ABCA3: variants seen among roughly 807,000 people sequenced by gnomAD.
ABCA3 encodes ATP binding cassette subfamily A member 3.
A neutral mutation model predicts 172.8 loss-of-function variants in ABCA3; 88 were observed. That is an observed-to-expected ratio of 0.51 (90% confidence interval 0.43 to 0.61). The LOEUF (loss-of-function observed/expected upper bound fraction) is 0.61, where lower values mean the gene tolerates loss of function less well. Among genes scored for constraint, ABCA3 ranks in the 20% least tolerant of loss-of-function variants. The pLI is 0.00. For synonymous variants in ABCA3, 1,066 were observed against 983.8 expected (o/e 1.08, Z -1.56); for missense variants, 2,164 against 2,301.0 (o/e 0.94, Z 1.22).
At chr16:2,298,662 G>T in intron 14 of ABCA3, 122 bp from the exon 15 acceptor site, 1 of 1,251,580 alleles carries the variant, frequency 8.0e-7, no homozygotes, top group Non-Finnish European at 1.1e-6. Flanking sequence ...GCCCATGAGA[G>T]GGCACGGAAC....
At position 2,292,141 on chromosome 16, in the gene ABCA3, G is replaced by A. The variant is rs773021659; in HGVS notation, c.2512C>T (p.Arg838Trp). The change falls in exon 19 of 33, where the codon CGG becomes TGG. Residue 838 changes from arginine (R) to tryptophan (W), a missense_variant and splice_region_variant. By Grantham distance (101) the Arg-to-Trp change is moderately radical. Coordinates refer to ENST00000301732, the MANE Select transcript of ABCA3 (RefSeq NM_001089.3). ...GGACGGAAATGCGCATTTACTGACC[G>A]AAGGAAGACTTCCTCCATGGTGGTG... ...SITTMEEVFL[R>W]VGKLVDSSMD... 3.1e-6 allele frequency: 5 copies of A among 1,612,204 alleles called. No individual in the cohort carries two copies. Among genetic ancestry groups the A allele is most frequent in the Admixed American group, 3.3e-5 (2 of 60,002 alleles).
intron 18 of ABCA3, among the ~76,000 whole-genome samples, chr16:2,294,808 C>T (rs969817288): frequency 6.6e-6 from 1 of 152,072 alleles, no homozygotes; most frequent in Non-Finnish European, 1.5e-5. Flanking sequence ...CATGGTAAAA[C>T]CCCATCTCTA....
intron 11 of ABCA3, among the ~76,000 whole-genome samples, chr16:2,304,479 C>A (rs1415630848): frequency 1.4e-5 from 2 of 147,236 alleles, no homozygotes; most frequent in Non-Finnish European, 1.5e-5. Flanking sequence ...CAACGTGGGT[C>A]AATGTGCATT....
chr16:2,295,448 G>T, intron 18 of ABCA3, 142 bp downstream of exon 18: 1 of 1,275,750 alleles, frequency 7.8e-7, no homozygotes, highest in Non-Finnish European at 1.1e-6. Context: ...TGGGCTGATG[G>T]TGCCCAGGCT....
chr16:2,311,415 C>T (rs112245223), intron 10 of ABCA3, among the ~76,000 whole-genome samples: 1,908 of 152,274 alleles, frequency 0.013, 19 homozygotes, highest in Non-Finnish European at 0.019. Flanking sequence ...ACCATGCAAG[C>T]GCCACTGAAC....
chr16:2,306,437 G>A (rs576323563), intron 11 of ABCA3, among the ~76,000 whole-genome samples: 1 of 152,178 alleles, frequency 6.6e-6, no homozygotes, highest in Non-Finnish European at 1.5e-5. Context: ...AGACACTGCC[G>A]ACTGTAGAGA....
chr16:2,293,354 C>T lies in ABCA3; in HGVS notation c.2415-1116G>A, dbSNP rs371631751. On this transcript the variant is annotated intron_variant, in intron 18 of 32. Coordinates refer to ENST00000301732, the MANE Select transcript of ABCA3 (RefSeq NM_001089.3). ...GCAATGAGCTACCAAGCTACCGTGC[C>T]TGGCCAAAATGCCTTTTTTTTTTTT... Among the ~76,000 whole-genome samples the T allele has an allele frequency of 3.4e-5, 5 of 148,044 alleles. No homozygotes were observed. The South Asian group carries it at 1.1e-3, about 32-fold the overall frequency.
intron 12 of ABCA3, among the ~76,000 whole-genome samples, chr16:2,303,708 G>C (rs1467453642): frequency 2.0e-5 from 3 of 152,202 alleles, no homozygotes; most frequent in African/African-American, 4.8e-5. Flanking sequence ...AGAGGGGCCA[G>C]AGCAGCCGGT....
At position 2,326,624 on chromosome 16, in the gene ABCA3, C is replaced by T. The variant is rs867326465; in HGVS notation, c.-26-132G>A. On this transcript the variant is annotated intron_variant, in intron 3 of 32. Coordinates refer to ENST00000301732, the MANE Select transcript of ABCA3 (RefSeq NM_001089.3). ...TTTTGTGCCACTTTAACTCCAAACA[C>T]CCCTGGAGGGAAGGGTACAAGGCCT... is the stretch of plus-strand genomic sequence containing the variant. 8 of 967,822 alleles carry T rather than the reference C, an allele frequency of 8.3e-6. No homozygotes were observed. The East Asian group carries it at 2.1e-4, about 25-fold the overall frequency. The allele number at this position is 967,822 out of a possible 1,614,324, so 60.0% of individuals were successfully genotyped here. A position where few individuals can be genotyped will look rare whatever the true frequency, so the allele number is the denominator to read the frequency against.
intron 11 of ABCA3, among the ~76,000 whole-genome samples, chr16:2,304,997 G>C (rs1233237582): frequency 1.3e-4 from 20 of 151,894 alleles, no homozygotes; most frequent in Non-Finnish European, 1.5e-5. Context: ...TATTTTAGTA[G>C]AGATGGGGTT....
chr16:2,282,846 C>T (rs1433459343), intron 26 of ABCA3, among the ~76,000 whole-genome samples: 1 of 144,138 alleles, frequency 6.9e-6, no homozygotes, highest in East Asian at 2.1e-4. Context: ...TGTCCCTGGG[C>T]ACCACCTCTG....
At position 2,285,764 on chromosome 16, in the gene ABCA3, G is replaced by T. The variant is rs1173355897; in HGVS notation, c.3279-118C>A. On this transcript the variant is annotated intron_variant, in intron 22 of 32. Transcript: ENST00000301732. The surrounding 1 kb of genome is among the most constrained non-coding windows in gnomAD (Gnocchi z 4.7). ...GGGCAGCAGCCCAACCACTAAAGGG[G>T]CTTATGGGAGAGCACAAGCACCATG... 4 of 932,226 alleles carry T rather than the reference G, an allele frequency of 4.3e-6. No individual in the cohort carries two copies. Among genetic ancestry groups the T allele is most frequent in the Non-Finnish European group, 6.7e-6 (4 of 594,592 alleles). The allele number at this position is 932,226 out of a possible 1,614,324, so 57.7% of individuals were successfully genotyped here.
Position 2,297,218 on chromosome 16 carries a change from T to C in ABCA3, c.2263+111A>G, listed in dbSNP as rs964210918. The C allele has an allele frequency of 3.2e-6, 4 of 1,257,008 alleles. No homozygotes were observed. The South Asian group carries it at 3.8e-5, about 12-fold the overall frequency. The allele number at this position is 1,257,008 out of a possible 1,614,324, so 77.9% of individuals were successfully genotyped here. A position where few individuals can be genotyped will look rare whatever the true frequency, so the allele number is the denominator to read the frequency against. The stretch of plus-strand genomic sequence containing the variant: ...ACCCAGAGGCAACAGACAGGAAGTC[T>C]AGAAAAGGCCACCCCTGCCTGATCT... On this transcript the variant is annotated intron_variant, in intron 17 of 32. Transcript: ENST00000301732. This position sits in a 1 kb window ranked among gnomAD's most constrained non-coding sequence, Gnocchi z 5.6.
Position 2,281,144 on chromosome 16 carries a change from C to A in ABCA3, c.4242G>T (p.Leu1414=), listed in dbSNP as rs200566505. 1 of 1,613,904 alleles carries A rather than the reference C, an allele frequency of 6.2e-7. No homozygotes were observed. Among genetic ancestry groups the A allele is most frequent in the East Asian group, 2.2e-5 (1 of 44,886 alleles). ...LAVQKGECFG[L]LGFNGAGKTT... ...TCTTCCCGGCTCCATTGAAGCCCAG[C>A]AGGCCGAAGCACTCCCCTTTCTGCA... The change falls in exon 28 of 33, where the codon CTG becomes CTT. Residue 1414 remains leucine, a synonymous_variant. Coordinates refer to ENST00000301732, the MANE Select transcript of ABCA3 (RefSeq NM_001089.3). This position sits in a 1 kb window ranked among gnomAD's most constrained non-coding sequence, Gnocchi z 4.7.
Position 2,284,124 on chromosome 16 carries a change from G to A in ABCA3, c.3862+155C>T, listed in dbSNP as rs1037296388. On this transcript the variant is annotated intron_variant, in intron 25 of 32. Transcript: ENST00000301732. The surrounding 1 kb of genome is among the most constrained non-coding windows in gnomAD (Gnocchi z 5.9). ...GCCTGGGAGCGAGCGGGCGCGAGGG[G>A]GCTGCTGTGGGAGGTGGGGCAAGGC... 1.3e-5 allele frequency among the ~76,000 whole-genome samples: 2 copies of A among 152,124 alleles called. No homozygotes were observed. Among genetic ancestry groups the A allele is most frequent in the African/African-American group, 4.8e-5 (2 of 41,418 alleles).
In ABCA3 at chr16:2,328,625, T is replaced by C. The variant is rs2093738245; in HGVS notation, c.-199A>G. ...GAGGAGGGGCAGTCTAGAGAGCCCC[T>C]GGTGCTGGTCCACTCGCTACAACTG... On this transcript the variant is annotated 5_prime_UTR_variant, in exon 3 of 33. Coordinates refer to ENST00000301732, the MANE Select transcript of ABCA3 (RefSeq NM_001089.3). 9.9e-6 allele frequency: 5 copies of C among 505,314 alleles called. No individual in the cohort carries two copies. Among genetic ancestry groups the C allele is most frequent in the South Asian group, 4.3e-5 (3 of 69,198 alleles). The allele number at this position is 505,314 out of a possible 1,614,324, so 31.3% of individuals were successfully genotyped here.
rs1321902017 is a variant in ABCA3 at position 2,317,317 on chromosome 16, G to A, written c.1077C>T (p.Ser359=). The A allele has an allele frequency of 6.2e-7, 1 of 1,614,138 alleles. No homozygotes were observed. The highest frequency in any genetic ancestry group is 1.1e-5 in the South Asian group (1 of 91,086). ...FLLCFAISTI[S]FSFMVSTFFS... is the part of the protein sequence containing the mutation. ...AGAAGGTGCTGACCATGAAGCTGAA[G>A]GAGATGGTAGAGATGGCGAAGCACA... is the stretch of plus-strand genomic sequence containing the variant. The change falls in exon 10 of 33, where the codon TCC becomes TCT. Residue 359 remains serine, a synonymous_variant. Transcript: ENST00000301732.
Position 2,278,253 on chromosome 16 carries a change from T to C in ABCA3, c.4718+35A>G. 6.2e-7 allele frequency: 1 copy of C among 1,603,980 alleles called. No homozygotes were observed. Among genetic ancestry groups the C allele is most frequent in the Non-Finnish European group, 8.5e-7 (1 of 1,179,922 alleles). On this transcript the variant is annotated intron_variant, in intron 30 of 32. Transcript: ENST00000301732. This position sits in a 1 kb window ranked among gnomAD's most constrained non-coding sequence, Gnocchi z 4.4. ...GGCTCCTCCATGGCCCACCCGGTGCTGAAACTTCCAGTAACCCACAGACCC... is the reference window on the plus strand; with the variant it reads ...GGCTCCTCCATGGCCCACCCGGTGCCGAAACTTCCAGTAACCCACAGACCC...
At chr16:2,332,674 C>CGTTT (rs2093745321) in intron 1 of ABCA3, 3 of 1,599,928 alleles carry the variant, frequency 1.9e-6, no homozygotes, top group Non-Finnish European at 2.6e-6. Context: ...ACCATTGCCG[C>CGTTT]GTTTGCAGTG....
Sources: gnomAD v4.1 joint callset for allele counts (sites outside exome capture counted in the v4.1 genomes callset) on GRCh38, gnomAD v4.1.1 for gene constraint, Gnocchi (gnomAD v3.1) non-coding constraint, MANE v1.5 for transcripts, NCBI Gene and HGNC (gene_info 2026-07-23, HGNC 2026-07-21) for gene names.